The following TMCC1 variants were observed in gnomAD, a reference collection of about 807,000 sequenced individuals.
TMCC1 encodes transmembrane and coiled-coil domains protein 1.
TMCC1 carries 15 observed loss-of-function variants against 52.4 expected under a neutral mutation model. That is an observed-to-expected ratio of 0.29 (90% CI 0.19 to 0.44). The LOEUF (loss-of-function observed/expected upper bound fraction) is 0.44. Among genes scored for constraint, TMCC1 ranks in the 20% least tolerant of loss-of-function variants. The pLI is 1.00. For synonymous variants in TMCC1, 279 were observed against 301.9 expected (o/e 0.92, Z 0.79); for missense variants, 503 against 806.0 (o/e 0.62, Z 4.55).
At chr3:129,654,932 T>C (rs773776850) in intron 6 of TMCC1, 36 bp downstream of exon 6, 18 of 1,607,844 alleles carry the variant, frequency 1.1e-5, no homozygotes, top group Admixed American at 1.7e-5. Flanking sequence ...CTAACCCTAC[T>C]GTATTTTGCA....
At position 129,671,021 on chromosome 3, in the gene TMCC1, C is replaced by T; in HGVS notation, c.820G>A (p.Ala274Thr). 2 of 1,614,160 alleles carry T rather than the reference C, an allele frequency of 1.2e-6. No homozygotes were observed. Among genetic ancestry groups the T allele is most frequent in the Non-Finnish European group, 1.7e-6 (2 of 1,180,022 alleles). Residue 274 changes from alanine (A) to threonine (T), a missense_variant, in exon 5 of 7, where the codon GCT (alanine) becomes ACT (threonine). Transcript: ENST00000393238. The part of the protein sequence containing the change: ...KLANSADKQQ[A>T]ARIKQVFEKK... Reference sequence around the variant, plus strand: ...TCAAAGACTTGCTTGATGCGGGCAGCCTGCTGTTTGTCTGCACTGTTGGCA... The same window carrying T: ...TCAAAGACTTGCTTGATGCGGGCAGTCTGCTGTTTGTCTGCACTGTTGGCA...
intron 4 of TMCC1, among the ~76,000 whole-genome samples, chr3:129,715,206 C>T (rs2048983074): frequency 6.6e-6 from 1 of 152,184 alleles, no homozygotes; most frequent in African/African-American, 2.4e-5. Flanking sequence ...AGTTCTTTGT[C>T]TTTTCTGAAG....
intron 2 of TMCC1, among the ~76,000 whole-genome samples, chr3:129,846,754 C>T (rs2059681807): frequency 6.6e-6 from 1 of 150,908 alleles, no homozygotes; most frequent in African/African-American, 2.4e-5. Context: ...GCTGGCCAGG[C>T]ATAGTGGCTC....
rs943969015 is a variant in TMCC1, at chr3:129,670,929, C to T, written c.912G>A (p.Arg304=). 6.2e-7 allele frequency: 1 copy of T among 1,614,196 alleles called. No homozygotes were observed. The highest frequency in any genetic ancestry group is 1.7e-5 in the Admixed American group (1 of 60,022). Residue 304 remains arginine (R), a synonymous_variant, in exon 5 of 7, where the codon AGG becomes AGA. Coordinates refer to ENST00000393238, the MANE Select transcript of TMCC1 (RefSeq NM_001017395.5). The part of the protein sequence containing the change: ...QLQKKLEHYH[R]KLREVEQNGI... Reference sequence around the variant, plus strand: ...CATTCTGCTCTACCTCTCTGAGCTTCCTGTGGTAGTGCTCAAGTTTCTTTT... The same window carrying T: ...CATTCTGCTCTACCTCTCTGAGCTTTCTGTGGTAGTGCTCAAGTTTCTTTT...
chr3:129,822,795 T>C (rs1289926025), intron 4 of TMCC1, among the ~76,000 whole-genome samples: 1 of 152,138 alleles, frequency 6.6e-6, no homozygotes, highest in African/African-American at 2.4e-5. Context: ...TGATTAGAAT[T>C]AATCAAAGTA....
At chr3:129,671,329 C>T in intron 4 of TMCC1, 65 bp from the exon 5 acceptor site, 1 of 1,468,252 alleles carries the variant, frequency 6.8e-7, no homozygotes, top group Non-Finnish European at 9.1e-7. Flanking sequence ...AATCAATGGG[C>T]CAAAATGTAT....
intron 4 of TMCC1, among the ~76,000 whole-genome samples, chr3:129,782,105 G>C (rs2055582994): frequency 6.6e-6 from 1 of 152,136 alleles, no homozygotes; most frequent in Non-Finnish European, 1.5e-5. Context: ...ATGTCTGTCA[G>C]ACATTCTAAC....
intron 4 of TMCC1, among the ~76,000 whole-genome samples, chr3:129,721,871 G>A (rs1409830737): frequency 6.7e-5 from 5 of 74,984 alleles, no homozygotes; most frequent in Non-Finnish European, 1.3e-4. Context: ...GCGAGACTCC[G>A]TCTCAAAAAC....
intron 6 of TMCC1, 72 bp downstream of exon 6, chr3:129,654,896 C>A (rs1048521086): frequency 1.9e-5 from 29 of 1,555,580 alleles, no homozygotes; most frequent in Non-Finnish European, 2.3e-5. Flanking sequence ...CATCTTTTTT[C>A]CTTCCGCTGT....
At position 129,778,131 on chromosome 3, in the gene TMCC1, G is replaced by A. The variant is rs116425535; in HGVS notation, c.576+49672C>T. ...TTGTCCAGACCACGTGGGCAGTAGG[G>A]CTAAAGACCTTCTGCCAGTCATACA... On this transcript the variant is annotated intron_variant, in intron 4 of 6. Coordinates refer to ENST00000393238, the MANE Select transcript of TMCC1 (RefSeq NM_001017395.5). Among the ~76,000 whole-genome samples the A allele has an allele frequency of 4.1e-3, 630 of 152,262 alleles. 2 individuals are homozygous for A. The highest frequency in any genetic ancestry group is 6.5e-3 in the Non-Finnish European group (441 of 68,022).
chr3:129,874,087 G>A (rs2061066645), intron 2 of TMCC1, among the ~76,000 whole-genome samples: 1 of 152,102 alleles, frequency 6.6e-6, no homozygotes, highest in Non-Finnish European at 1.5e-5. Context: ...AGGTAAAAAT[G>A]GTTGTTACTA....
chr3:129,670,360 A>G lies in TMCC1; in HGVS notation c.1481T>C (p.Ile494Thr). Residue 494 changes from isoleucine (I) to threonine (T), a missense_variant, in exon 5 of 7, where the codon ATA becomes ACA. Around this residue, in one of 7 missense-constraint regions of TMCC1, gnomAD observed 121 missense variants for 193.6 expected, o/e 0.62. Coordinates refer to ENST00000393238, the MANE Select transcript of TMCC1 (RefSeq NM_001017395.5). Reference protein sequence around the residue: ...KEHYQRDYSLIMQTLQEERYR... With the variant: ...KEHYQRDYSLTMQTLQEERYR... ...TCGCTCCTCCTGTAAGGTCTGCATTATTAAGGAATAGTCCCTCTGATAATG... is the reference window on the plus strand; with the variant it reads ...TCGCTCCTCCTGTAAGGTCTGCATTGTTAAGGAATAGTCCCTCTGATAATG... 1 of 1,614,180 alleles carries G rather than the reference A, an allele frequency of 6.2e-7. No individual in the cohort carries two copies. The highest frequency in any genetic ancestry group is 8.5e-7 in the Non-Finnish European group (1 of 1,180,008).
At chr3:129,756,909 T>C (rs1220133048) in intron 4 of TMCC1, among the ~76,000 whole-genome samples, 1 of 152,168 alleles carries the variant, frequency 6.6e-6, no homozygotes, top group Non-Finnish European at 1.5e-5. Context: ...TTGTGTATGG[T>C]ACTATAGGAT....
At chr3:129,769,510 G>A (rs868243641) in intron 4 of TMCC1, among the ~76,000 whole-genome samples, 2 of 150,848 alleles carry the variant, frequency 1.3e-5, no homozygotes, top group Non-Finnish European at 2.9e-5. Context: ...GATTACAAGC[G>A]TGAGCCCCTG....
At chr3:129,767,351 G>A (rs532776987) in intron 4 of TMCC1, among the ~76,000 whole-genome samples, 9 of 151,302 alleles carry the variant, frequency 5.9e-5, no homozygotes, top group African/African-American at 2.2e-4. Context: ...ATTCACAGAA[G>A]TGTGCAACCA....
At chr3:129,688,648 T>C in intron 4 of TMCC1, 3 of 985,510 alleles carry the variant, frequency 3.0e-6, no homozygotes, top group Non-Finnish European at 3.6e-6. Context: ...AGGAGAACTC[T>C]GTGCTGAATA....
At chr3:129,760,670 G>T (rs2053492961) in intron 4 of TMCC1, among the ~76,000 whole-genome samples, 1 of 151,850 alleles carries the variant, frequency 6.6e-6, no homozygotes, top group African/African-American at 2.4e-5. Context: ...GTAGAGACGG[G>T]GTTTCACCGT....
chr3:129,796,496 T>C (rs1363073575), intron 4 of TMCC1, among the ~76,000 whole-genome samples: 2 of 152,094 alleles, frequency 1.3e-5, no homozygotes, highest in Non-Finnish European at 2.9e-5. Context: ...GTATCCCAAC[T>C]CTTCAAATAA....
intron 4 of TMCC1, among the ~76,000 whole-genome samples, chr3:129,786,367 A>G (rs2056034295): frequency 6.6e-6 from 1 of 152,134 alleles, no homozygotes; most frequent in Admixed American, 6.5e-5. Context: ...ATTATCAGTG[A>G]TTTGCATACG....
Sources: gnomAD v4.1 joint callset for allele counts (sites outside exome capture counted in the v4.1 genomes callset) on GRCh38, gnomAD v4.1.1 for gene constraint, gnomAD v4.1.1 regional missense constraint, MANE v1.5 for transcripts, NCBI Gene and HGNC (gene_info 2026-07-23, HGNC 2026-07-21) for gene names.